The following MYH14 variants were observed in gnomAD, a reference collection of about 807,000 sequenced individuals.
MYH14 encodes the protein myosin heavy chain 14.
MYH14 carries 123 observed loss-of-function variants against 255.5 expected under a neutral mutation model. The ratio of observed to expected loss-of-function variants is 0.48; its 90% CI spans 0.42 to 0.56. The LOEUF (loss-of-function observed/expected upper bound fraction) is 0.56, where lower values mean the gene tolerates loss of function less well. Ranked by LOEUF, MYH14 falls within the 20% of genes least tolerant of loss-of-function variation. The pLI is 0.00. For missense variants in MYH14, 2,423 were observed against 2,802.3 expected, an observed-to-expected ratio of 0.86 and a Z score of 3.06; for synonymous variants, 1,095 against 1,161.2, an observed-to-expected ratio of 0.94 and a Z score of 1.16.
Position 50,301,873 on chromosome 19 carries a change from G to A in MYH14, c.5678+4G>A. On this transcript the variant is annotated splice_donor_region_variant and intron_variant, in intron 40 of 42. Coordinates refer to ENST00000642316, the MANE Select transcript of MYH14 (RefSeq NM_001145809.2). The stretch of plus-strand genomic sequence containing the variant: ...AGCAGCTAGAGCAAGAGACCAGGTA[G>A]GTGAGAGCGGAGGCCACAGGAGAAA... 1 of 1,606,892 alleles carries A rather than the reference G, an allele frequency of 6.2e-7. No individual in the cohort carries two copies. Among genetic ancestry groups the A allele is most frequent in the Non-Finnish European group, 8.5e-7 (1 of 1,176,440 alleles).
At chr19:50,282,589 G>A (rs13345408) in intron 33 of MYH14, among the ~76,000 whole-genome samples, 1 of 152,108 alleles carries the variant, frequency 6.6e-6, no homozygotes, top group African/African-American at 2.4e-5. Flanking sequence ...TGTAATCCTA[G>A]CTACTCGGGA....
intron 1 of MYH14, among the ~76,000 whole-genome samples, chr19:50,208,691 G>T (rs887599576): frequency 6.6e-6 from 1 of 152,068 alleles, no homozygotes. Flanking sequence ...AAAGGAACGG[G>T]TAACATTAAT....
intron 2 of MYH14, among the ~76,000 whole-genome samples, chr19:50,215,397 G>T (rs1471914948): frequency 1.3e-5 from 2 of 152,244 alleles, no homozygotes; most frequent in East Asian, 3.9e-4. Flanking sequence ...CAAACCGGTT[G>T]TTCTGCTCCT....
At chr19:50,304,953 G>A (rs576195078) in intron 40 of MYH14, among the ~76,000 whole-genome samples, 1 of 152,242 alleles carries the variant, frequency 6.6e-6, no homozygotes, top group African/African-American at 2.4e-5. Flanking sequence ...TGGAGGAGGA[G>A]TGTGGTTGGT....
Position 50,286,596 on chromosome 19 carries a change from G to A in MYH14, c.4654G>A (p.Glu1552Lys), listed in dbSNP as rs1160343754. Reference sequence around the variant, plus strand: ...CCTGTCACTGACACGGGCACTGGAGGAGGAGCAGGAGGCACGTGAGGAGCT... The same window carrying A: ...CCTGTCACTGACACGGGCACTGGAGAAGGAGCAGGAGGCACGTGAGGAGCT... Reference protein sequence around the residue: ...RALSLTRALEEEQEAREELER... With the variant: ...RALSLTRALEKEQEAREELER... Residue 1552 changes from glutamate (E) to lysine (K), a missense_variant, in exon 34 of 43, where the codon GAG becomes AAG. Glu to Lys is a moderately conservative substitution (Grantham distance 56). Coordinates refer to ENST00000642316, the MANE Select transcript of MYH14 (RefSeq NM_001145809.2). The A allele has an allele frequency of 2.5e-6, 4 of 1,606,084 alleles. No homozygotes were observed. The highest frequency in any genetic ancestry group is 2.7e-5 in the African/African-American group (2 of 74,888).
intron 10 of MYH14, among the ~76,000 whole-genome samples, chr19:50,242,494 A>T (rs1244263990): frequency 8.5e-5 from 13 of 152,158 alleles, no homozygotes; most frequent in Non-Finnish European, 1.5e-4. Context: ...ATCTCGTGAG[A>T]CTTATTCACT....
At position 50,261,957 on chromosome 19, in the gene MYH14, C is replaced by A. The variant is rs1670723; in HGVS notation, c.2585+322C>A. ...AAAACAGAGAAAGCCCGGGGCAACCCAGGTCAAGCTGTCCGCTCTCCCTGG... is the reference window on the plus strand; with the variant it reads ...AAAACAGAGAAAGCCCGGGGCAACCAAGGTCAAGCTGTCCGCTCTCCCTGG... On this transcript the variant is annotated intron_variant, in intron 21 of 42. Coordinates refer to ENST00000642316, the MANE Select transcript of MYH14 (RefSeq NM_001145809.2). Among the ~76,000 whole-genome samples the A allele has an allele frequency of 3.8e-4, 57 of 151,958 alleles. 2 individuals are homozygous for A. Among genetic ancestry groups the A allele is most frequent in the Admixed American group, 4.6e-4 (7 of 15,274 alleles).
rs763472009 is a variant in MYH14, at chr19:50,276,897, G to A, written c.3821G>A (p.Arg1274Gln). 173 of 1,608,844 alleles carry A rather than the reference G, an allele frequency of 1.1e-4. No homozygotes were observed. The East Asian group carries it at 2.7e-3, about 25-fold the overall frequency. Residue 1274 changes from arginine (R) to glutamine (Q), a missense_variant, in exon 29 of 43, where the codon CGG (arginine) becomes CAG (glutamine). Physicochemically the swap from Arg to Gln is conservative, Grantham distance 43. Transcript: ENST00000642316. This position sits in a 1 kb window ranked among gnomAD's most constrained non-coding sequence, Gnocchi z 4.3. Reference protein sequence around the residue: ...GELAEQLEQARRGKGAWEKTR... With the variant: ...GELAEQLEQAQRGKGAWEKTR... ...CTGGCGGAGCAGCTGGAGCAGGCCC[G>A]GAGGGTGGGTTGGGGCAGGGGGACA...
chr19:50,276,257 G>A lies in MYH14; in HGVS notation c.3680+54G>A. The stretch of plus-strand genomic sequence containing the variant: ...AGCCTGTGCACATACAGGGCTGGGG[G>A]AAGGACTTAGGTACAAAGTCTCTGT... On this transcript the variant is annotated intron_variant, in intron 28 of 42. Coordinates refer to ENST00000642316, the MANE Select transcript of MYH14 (RefSeq NM_001145809.2). This position sits in a 1 kb window ranked among gnomAD's most constrained non-coding sequence, Gnocchi z 4.3. 7.6e-7 allele frequency: 1 copy of A among 1,312,118 alleles called. No individual in the cohort carries two copies. Among genetic ancestry groups the A allele is most frequent in the South Asian group, 1.4e-5 (1 of 69,406 alleles). The allele number at this position is 1,312,118 out of a possible 1,614,324, so 81.3% of individuals were successfully genotyped here. A position where few individuals can be genotyped will look rare whatever the true frequency, so the allele number is the denominator to read the frequency against.
chr19:50,292,941 C>T (rs1344797515), intron 37 of MYH14, among the ~76,000 whole-genome samples: 1 of 150,486 alleles, frequency 6.6e-6, no homozygotes, highest in African/African-American at 2.5e-5. Flanking sequence ...GGGTCTGGCC[C>T]GGTGATTGGG....
chr19:50,298,965 C>T (rs933880056), intron 39 of MYH14, among the ~76,000 whole-genome samples: 1 of 152,028 alleles, frequency 6.6e-6, no homozygotes, highest in African/African-American at 2.4e-5. Context: ...ATGGTGTGCA[C>T]CTGTAGTTCC....
intron 22 of MYH14, among the ~76,000 whole-genome samples, chr19:50,264,054 T>TTAAAGAA (rs1568515273): frequency 1.5e-4 from 1 of 6,758 alleles, no homozygotes; most frequent in African/African-American, 6.0e-4. Flanking sequence ...AAACTCTGTC[T>TTAAAGAA]CAAAAAAAAA....
At position 50,310,104 on chromosome 19, in the gene MYH14, T is replaced by G; in HGVS notation, c.*314T>G. On this transcript the variant is annotated 3_prime_UTR_variant, in exon 43 of 43. Transcript: ENST00000642316. Reference sequence around the variant, plus strand: ...CCTTTCTTCCCTCGTTATTGATCTATAGACATTAGGAAGGGAGTGAGACGG... The same window carrying G: ...CCTTTCTTCCCTCGTTATTGATCTAGAGACATTAGGAAGGGAGTGAGACGG... 1 of 446,344 alleles carries G rather than the reference T, an allele frequency of 2.2e-6. No homozygotes were observed. The highest frequency in any genetic ancestry group is 4.0e-6 in the Non-Finnish European group (1 of 247,820). 27.6% of individuals were successfully genotyped at this position (446,344 alleles called of 1,614,324 possible).
At chr19:50,258,176 C>T (rs576927464) in intron 18 of MYH14, among the ~76,000 whole-genome samples, 2 of 152,130 alleles carry the variant, frequency 1.3e-5, no homozygotes, top group South Asian at 2.1e-4. Context: ...GCGATCCACC[C>T]GCCTTGGCCT....
chr19:50,234,278 G>A (rs1346323155), intron 10 of MYH14, among the ~76,000 whole-genome samples: 2 of 152,164 alleles, frequency 1.3e-5, no homozygotes, highest in African/African-American at 2.4e-5. Context: ...AAGTACGTAG[G>A]TGGACCTCCG....
rs116235551 is a variant in MYH14 at position 50,280,174 on chromosome 19, C to T, written c.4137+33C>T. 1.4e-3 allele frequency: 2,177 copies of T among 1,562,718 alleles called. 28 individuals carry two copies. The African/African-American group carries it at 0.027, about 19-fold the overall frequency. On this transcript the variant is annotated intron_variant, in intron 31 of 42. Coordinates refer to ENST00000642316, the MANE Select transcript of MYH14 (RefSeq NM_001145809.2). The surrounding 1 kb of genome is among the most constrained non-coding windows in gnomAD (Gnocchi z 4.8). ...TGCCTGCCCTTCGGCTCCACCGTCA[C>T]CCTCCCCTCCTTGTCCTCCCAGCCA...
chr19:50,301,671 T>A lies in MYH14; in HGVS notation c.5480T>A (p.Leu1827Gln). 1 of 1,612,954 alleles carries A rather than the reference T, an allele frequency of 6.2e-7. No individual in the cohort carries two copies. The highest frequency in any genetic ancestry group is 8.5e-7 in the Non-Finnish European group (1 of 1,179,118). ...CCCCTCCTGCTACAGGTAGAGTCAC[T>A]GACCACAGAGCTGTCAGCTGAGCGC... Reference protein sequence around the residue: ...YRKLLLQVESLTTELSAERSF... With the variant: ...YRKLLLQVESQTTELSAERSF... Residue 1827 changes from leucine to glutamine, a missense_variant, in exon 40 of 43, where the codon CTG becomes CAG. By Grantham distance (113) the Leu-to-Gln change is moderately radical. Coordinates refer to ENST00000642316, the MANE Select transcript of MYH14 (RefSeq NM_001145809.2).
chr19:50,241,956 C>G (rs2033909316), intron 10 of MYH14, among the ~76,000 whole-genome samples: 1 of 152,226 alleles, frequency 6.6e-6, no homozygotes, highest in Admixed American at 6.5e-5. Flanking sequence ...CACACCGCAC[C>G]AAGCCTCACT....
chr19:50,292,285 G>T lies in MYH14; in HGVS notation c.5152G>T (p.Glu1718Ter). ...MQAQMKELWREVEETRTSREE... is the reference protein window; with the variant it reads ...MQAQMKELWR ...GGCCCAGATGAAGGAGCTATGGCGG[G>T]AGGTGGAGGAGACACGCACCTCCCG... The change falls in exon 37 of 43, where the codon GAG (glutamate) becomes TAG (stop). Residue 1718 changes from glutamate to a stop codon, truncating the protein, a stop_gained. Coordinates refer to ENST00000642316, the MANE Select transcript of MYH14 (RefSeq NM_001145809.2). LOFTEE classifies it high-confidence loss of function. 6.2e-7 allele frequency: 1 copy of T among 1,603,118 alleles called. No homozygotes were observed. The highest frequency in any genetic ancestry group is 8.5e-7 in the Non-Finnish European group (1 of 1,175,466).
Sources: gnomAD v4.1 joint callset for allele counts (sites outside exome capture counted in the v4.1 genomes callset) on GRCh38, gnomAD v4.1.1 for gene constraint, Gnocchi (gnomAD v3.1) non-coding constraint, MANE v1.5 for transcripts, NCBI Gene and HGNC (gene_info 2026-07-23, HGNC 2026-07-21) for gene names.